CACNA2D1: variants seen among roughly 807,000 people sequenced by gnomAD.
The protein encoded by CACNA2D1 is calcium voltage-gated channel auxiliary subunit alpha2delta 1.
CACNA2D1 carries 53 observed loss-of-function variants against 171.5 expected under a neutral mutation model. The observed-to-expected ratio is 0.31, with a 90% CI of 0.25 to 0.39. The LOEUF is 0.39. CACNA2D1 is among the 10% of genes least tolerant of loss of function. The pLI is 1.00. For synonymous variants in CACNA2D1, 442 were observed against 443.1 expected, an observed-to-expected ratio of 1.00 and a Z score of 0.03; for missense variants, 903 against 1,299.8, an observed-to-expected ratio of 0.69 and a Z score of 4.69.
chr7:82,159,423 A>G (rs1794707581), intron 4 of CACNA2D1, among the ~76,000 whole-genome samples: 1 of 151,880 alleles, frequency 6.6e-6, no homozygotes, highest in African/African-American at 2.4e-5. Flanking sequence ...TTCTCCTTTT[A>G]ATCTTCCCTA....
intron 3 of CACNA2D1, among the ~76,000 whole-genome samples, chr7:82,214,093 C>G (rs1800852296): frequency 6.6e-6 from 1 of 152,008 alleles, no homozygotes; most frequent in South Asian, 2.1e-4. Context: ...TCCCAGTAGC[C>G]AGGACTCTAC....
At chr7:82,340,583 A>G (rs751731920) in intron 2 of CACNA2D1, among the ~76,000 whole-genome samples, 1 of 152,068 alleles carries the variant, frequency 6.6e-6, no homozygotes, top group Non-Finnish European at 1.5e-5. Context: ...AACATTATTT[A>G]TTTATTATAA....
chr7:81,965,879 C>T (rs1447111971), intron 31 of CACNA2D1, among the ~76,000 whole-genome samples: 2 of 151,726 alleles, frequency 1.3e-5, no homozygotes, highest in Non-Finnish European at 2.9e-5. Context: ...CACCAACCAT[C>T]CACTTGAGAC....
intron 1 of CACNA2D1, among the ~76,000 whole-genome samples, chr7:82,422,391 G>A (rs988321797): frequency 4.0e-4 from 61 of 152,148 alleles, no homozygotes; most frequent in Admixed American, 3.0e-3. Flanking sequence ...GCTTTATCCA[G>A]AAAATCACTT....
intron 23 of CACNA2D1, 136 bp downstream of exon 23, chr7:81,983,178 C>A: frequency 1.4e-6 from 1 of 725,332 alleles, no homozygotes; most frequent in Non-Finnish European, 2.4e-6. Context: ...TTTTTTGCTG[C>A]TAAGTTTTGA....
intron 10 of CACNA2D1, among the ~76,000 whole-genome samples, chr7:82,045,644 T>C (rs2131269713): frequency 6.6e-6 from 1 of 152,318 alleles, no homozygotes; most frequent in East Asian, 1.9e-4. Context: ...TTTCTGTAAT[T>C]TTTTAGTCCT....
At chr7:82,421,065 GT>G (rs906081642) in intron 1 of CACNA2D1, among the ~76,000 whole-genome samples, 2 of 152,172 alleles carry the variant, frequency 1.3e-5, no homozygotes, top group African/African-American at 2.4e-5. Flanking sequence ...ATACAGGGCA[GT>G]TTTTTCCTGA....
chr7:81,975,856 T>C (rs1795786653), intron 24 of CACNA2D1, among the ~76,000 whole-genome samples: 1 of 152,146 alleles, frequency 6.6e-6, no homozygotes, highest in Non-Finnish European at 1.5e-5. Context: ...TCAGTTTCTG[T>C]CATTGGCAGC....
chr7:81,956,101 C>T (rs536337427), intron 38 of CACNA2D1, among the ~76,000 whole-genome samples: 5 of 149,972 alleles, frequency 3.3e-5, no homozygotes, highest in African/African-American at 1.2e-4. Flanking sequence ...AATTCTCCTG[C>T]CTCAGCCTCT....
At chr7:82,324,990 C>T (rs1220490295) in intron 3 of CACNA2D1, among the ~76,000 whole-genome samples, 2 of 152,186 alleles carry the variant, frequency 1.3e-5, no homozygotes, top group South Asian at 2.1e-4. Context: ...AAGATGTTAA[C>T]ATACAGTGTC....
intron 3 of CACNA2D1, among the ~76,000 whole-genome samples, chr7:82,325,861 G>A (rs559640548): frequency 2.0e-5 from 3 of 152,194 alleles, no homozygotes; most frequent in Non-Finnish European, 2.9e-5. Flanking sequence ...ATCAATTCCC[G>A]GCCAGAGCAC....
intron 1 of CACNA2D1, among the ~76,000 whole-genome samples, chr7:82,379,110 A>T (rs1193132268): frequency 6.6e-6 from 1 of 152,036 alleles, no homozygotes; most frequent in African/African-American, 2.4e-5. Context: ...GAGAGAGGGG[A>T]CTGGGAGAAG....
chr7:82,087,579 G>T (rs1388049216), intron 6 of CACNA2D1, among the ~76,000 whole-genome samples: 2 of 144,490 alleles, frequency 1.4e-5, no homozygotes, highest in Non-Finnish European at 1.5e-5. Context: ...AAAAAAAATG[G>T]AAAAGAAAAT....
At chr7:82,164,315 A>G (rs947922747) in intron 4 of CACNA2D1, among the ~76,000 whole-genome samples, 1 of 152,002 alleles carries the variant, frequency 6.6e-6, no homozygotes, top group Non-Finnish European at 1.5e-5. Context: ...ATCCCCAAGA[A>G]GTTTATATTT....
rs140459429 is a variant in CACNA2D1, at chr7:82,309,367, T to C, written c.294+25768A>G. 7.8e-3 allele frequency among the ~76,000 whole-genome samples: 1,188 copies of C among 151,958 alleles called. 19 individuals carry two copies. The highest frequency in any genetic ancestry group is 0.027 in the African/African-American group (1,132 of 41,438). ...GTTGCAGTGAGCCAAGATCATGCCA[T>C]TGCACTCCAGCCTAGGTGACAAGAG... is the stretch of plus-strand genomic sequence containing the variant. On this transcript the variant is annotated intron_variant, in intron 3 of 38. Coordinates refer to ENST00000356860, the MANE Select transcript of CACNA2D1 (RefSeq NM_000722.4).
chr7:81,995,360 G>T (rs1209035355), intron 19 of CACNA2D1, among the ~76,000 whole-genome samples: 2 of 152,008 alleles, frequency 1.3e-5, no homozygotes, highest in African/African-American at 4.8e-5. Flanking sequence ...TTTTTAAGAG[G>T]ACTCTTTACA....
intron 3 of CACNA2D1, among the ~76,000 whole-genome samples, chr7:82,309,446 A>G (rs1814146391): frequency 6.6e-6 from 1 of 152,122 alleles, no homozygotes. Flanking sequence ...AGTCTTCAGA[A>G]CTATACTAAA....
intron 10 of CACNA2D1, among the ~76,000 whole-genome samples, chr7:82,060,073 G>C (rs28441098): frequency 0.98 from 85,799 of 87,428 alleles, 42,184 homozygotes; most frequent in Non-Finnish European, 1. Context: ...GTGCAGCACA[G>C]CAACATGGCA....
chr7:82,392,021 C>G (rs1825178318), intron 1 of CACNA2D1, among the ~76,000 whole-genome samples: 1 of 152,112 alleles, frequency 6.6e-6, no homozygotes, highest in Non-Finnish European at 1.5e-5. Flanking sequence ...CCTGGTGAAA[C>G]CAGACCTTCA....
Sources: gnomAD v4.1 joint callset for allele counts (sites outside exome capture counted in the v4.1 genomes callset) on GRCh38, gnomAD v4.1.1 for gene constraint, MANE v1.5 for transcripts, NCBI Gene and HGNC (gene_info 2026-07-23, HGNC 2026-07-21) for gene names.